SLC36A4: variants seen among roughly 807,000 people sequenced by gnomAD.
The protein encoded by SLC36A4 is solute carrier family 36 member 4, also known as neutral amino acid uniporter 4.
SLC36A4 carries 49 observed loss-of-function variants against 50.5 expected under a neutral mutation model. The observed-to-expected ratio is 0.97, with a 90% CI of 0.77 to 1.23. SLC36A4 has a LOEUF of 1.23. SLC36A4 is among the 50% of genes most tolerant of loss of function. The pLI, the probability that SLC36A4 is intolerant of heterozygous loss-of-function variation, is 0.00. For missense variants in SLC36A4, 611 were observed against 608.4 expected, an observed-to-expected ratio of 1.00 and a Z score of -0.05; for synonymous variants, 207 against 206.5, an observed-to-expected ratio of 1.00 and a Z score of -0.02.
intron 1 of SLC36A4, among the ~76,000 whole-genome samples, chr11:93,194,023 T>G (rs1862321287): frequency 3.3e-5 from 5 of 152,142 alleles, no homozygotes. Context: ...TTGTGAGGTC[T>G]GAGTAAAACA....
At chr11:93,184,342 G>A (rs1861881505) in intron 3 of SLC36A4, 88 bp downstream of exon 3, 4 of 799,164 alleles carry the variant, frequency 5.0e-6, no homozygotes, top group East Asian at 2.5e-5. Flanking sequence ...CACCTTACCA[G>A]GTTATATTTG....
At chr11:93,165,185 G>A (rs1341545465) in intron 8 of SLC36A4, among the ~76,000 whole-genome samples, 1 of 152,090 alleles carries the variant, frequency 6.6e-6, no homozygotes, top group Non-Finnish European at 1.5e-5. Flanking sequence ...AGTATAAATA[G>A]ATGTTTACAA....
intron 9 of SLC36A4, among the ~76,000 whole-genome samples, chr11:93,162,000 A>G (rs1860639503): frequency 6.6e-6 from 1 of 152,144 alleles, no homozygotes; most frequent in Non-Finnish European, 1.5e-5. Flanking sequence ...CTGTGTTCTG[A>G]AAGGACTTGG....
intron 6 of SLC36A4, chr11:93,180,119 A>G (rs1360565121): frequency 1.5e-5 from 14 of 945,130 alleles, no homozygotes; most frequent in Non-Finnish European, 1.6e-5. Flanking sequence ...TAATTAATAA[A>G]TATTATTGAT....
intron 5 of SLC36A4, 75 bp from the exon 6 acceptor site, chr11:93,180,956 G>T: frequency 9.4e-7 from 1 of 1,067,984 alleles, no homozygotes. Context: ...CTCTTTTCAA[G>T]AGTTTTAAAA....
intron 5 of SLC36A4, 59 bp downstream of exon 5, chr11:93,181,632 A>T: frequency 7.9e-7 from 1 of 1,263,800 alleles, no homozygotes; most frequent in Non-Finnish European, 1.0e-6. Flanking sequence ...GTTAGGTTAA[A>T]ATACTTAAAA....
chr11:93,182,380 A>ACC, intron 4 of SLC36A4: 3 of 239,684 alleles, frequency 1.3e-5, no homozygotes, highest in Non-Finnish European at 2.0e-5. Flanking sequence ...TGTCCAGTAG[A>ACC]AGTATTTCAT....
At chr11:93,162,659 C>T in intron 9 of SLC36A4, 47 bp downstream of exon 9, 3 of 1,411,968 alleles carry the variant, frequency 2.1e-6, no homozygotes, top group East Asian at 2.3e-5. Flanking sequence ...AACAGTGGTA[C>T]ATTATAAAAT....
Position 93,156,719 on chromosome 11 carries a change from AT to A in SLC36A4, c.1038-2443del, listed in dbSNP as rs369807350. ...TTTTAATGAGATTCTTTTCTTATAA[AT>A]TTCTTGAAGTTCCTTTAAATGCTGG... On this transcript the variant is annotated intron_variant, in intron 9 of 10. Coordinates refer to ENST00000326402, the MANE Select transcript of SLC36A4 (RefSeq NM_152313.4). 2.5e-3 allele frequency among the ~76,000 whole-genome samples: 376 copies of A among 152,126 alleles called. 4 individuals carry two copies. The highest frequency in any genetic ancestry group is 8.7e-3 in the African/African-American group (361 of 41,514).
intron 1 of SLC36A4, among the ~76,000 whole-genome samples, chr11:93,195,309 T>G (rs992603935): frequency 1.3e-5 from 2 of 152,062 alleles, no homozygotes; most frequent in Admixed American, 1.3e-4. Flanking sequence ...TCCCAGTTAA[T>G]AACAATTTCA....
intron 1 of SLC36A4, among the ~76,000 whole-genome samples, chr11:93,190,208 T>A (rs1389706620): frequency 1.3e-5 from 2 of 152,186 alleles, no homozygotes; most frequent in African/African-American, 4.8e-5. Flanking sequence ...TTTAAATTCA[T>A]CTCATCCTTC....
intron 8 of SLC36A4, among the ~76,000 whole-genome samples, chr11:93,164,006 A>G (rs1449312683): frequency 1.3e-5 from 2 of 152,112 alleles, no homozygotes; most frequent in Non-Finnish European, 2.9e-5. Flanking sequence ...CTTTAGCCTC[A>G]TCTTGCATTT....
At chr11:93,193,880 CACA>C (rs543602465) in intron 1 of SLC36A4, among the ~76,000 whole-genome samples, 1 of 152,198 alleles carries the variant, frequency 6.6e-6, no homozygotes, top group South Asian at 2.1e-4. Flanking sequence ...GAGGATTTTG[CACA>C]AGAATGTTCA....
chr11:93,159,469 T>C (rs2134642291), intron 9 of SLC36A4, among the ~76,000 whole-genome samples: 1 of 152,286 alleles, frequency 6.6e-6, no homozygotes, highest in East Asian at 1.9e-4. Flanking sequence ...CCGTTAGAAA[T>C]AACCTGGTAA....
chr11:93,156,525 T>C (rs1014712450), intron 9 of SLC36A4, among the ~76,000 whole-genome samples: 8 of 151,818 alleles, frequency 5.3e-5, no homozygotes, highest in Non-Finnish European at 8.8e-5. Flanking sequence ...GTTCAAGCGA[T>C]TCTCCTGCCT....
intron 6 of SLC36A4, among the ~76,000 whole-genome samples, chr11:93,174,517 T>C (rs2134675691): frequency 6.7e-6 from 1 of 149,476 alleles, no homozygotes; most frequent in African/African-American, 2.5e-5. Context: ...GACATCCCTG[T>C]CTTGTGCCAG....
At chr11:93,163,098 G>T (rs927540684) in intron 8 of SLC36A4, among the ~76,000 whole-genome samples, 12 of 148,726 alleles carry the variant, frequency 8.1e-5, no homozygotes, top group Admixed American at 6.7e-5. Flanking sequence ...AAACCTGTTA[G>T]TTTTTTTTTT....
chr11:93,182,761 A>C, intron 4 of SLC36A4, 45 bp downstream of exon 4: 1 of 1,419,262 alleles, frequency 7.0e-7, no homozygotes, highest in Non-Finnish European at 9.9e-7. Context: ...TGCTGTAAAT[A>C]AAAGATAGCT....
rs753431698 is a variant in SLC36A4 at position 93,145,209 on chromosome 11, A to G, written c.*3328T>C. The G allele has an allele frequency of 8.5e-5, 13 of 152,098 alleles. No individual in the cohort carries two copies. Among genetic ancestry groups the G allele is most frequent in the Non-Finnish European group, 1.3e-4 (9 of 67,992 alleles). 9.4% of individuals were successfully genotyped at this position (152,098 alleles called of 1,614,324 possible). The stretch of plus-strand genomic sequence containing the variant: ...GCAGTTAAAGAGATTTTACATAACT[A>G]CTATGAAACTACTAAGATTAGACAC... On this transcript the variant is annotated 3_prime_UTR_variant, in exon 11 of 11. Transcript: ENST00000326402.
Sources: gnomAD v4.1 joint callset for allele counts (sites outside exome capture counted in the v4.1 genomes callset) on GRCh38, gnomAD v4.1.1 for gene constraint, MANE v1.5 for transcripts, NCBI Gene and HGNC (gene_info 2026-07-23, HGNC 2026-07-21) for gene names.